The following RBFOX3 variants were observed in gnomAD, a reference collection of about 807,000 sequenced individuals.
The protein encoded by RBFOX3 is RNA binding protein fox-1 homolog 3.
Under a neutral mutation model 48.7 loss-of-function variants are expected in RBFOX3, and 17 were observed. The ratio of observed to expected loss-of-function variants is 0.35; its 90% CI spans 0.24 to 0.52. The LOEUF (loss-of-function observed/expected upper bound fraction) is 0.52, where lower values mean the gene tolerates loss of function less well. RBFOX3 is among the 20% of genes least tolerant of loss of function. RBFOX3 has a pLI of 0.94. For synonymous variants in RBFOX3, 212 were observed against 209.5 expected (o/e 1.01, Z -0.10); for missense variants, 382 against 497.5 (o/e 0.77, Z 2.21).
chr17:79,126,395 G>C (rs898920168), intron 4 of RBFOX3, among the ~76,000 whole-genome samples: 2 of 152,188 alleles, frequency 1.3e-5, no homozygotes, highest in African/African-American at 4.8e-5. Context: ...ACCCCTGCCC[G>C]GCCCACAGCC....
intron 4 of RBFOX3, among the ~76,000 whole-genome samples, chr17:79,152,663 G>A (rs2044817752): frequency 6.6e-6 from 1 of 152,236 alleles, no homozygotes. Flanking sequence ...AGGGGAAAGA[G>A]AGGGAAAGAA....
chr17:79,341,488 C>CT (rs2082078062), intron 2 of RBFOX3, among the ~76,000 whole-genome samples: 1 of 152,164 alleles, frequency 6.6e-6, no homozygotes, highest in South Asian at 2.1e-4. Flanking sequence ...GAGGCTGTTG[C>CT]TGGGGGTCCG....
At chr17:79,648,978 CTTTTTTTT>C in the RBFOX3 span, among the ~76,000 whole-genome samples, 1 of 133,222 alleles carries the variant, frequency 7.5e-6, no homozygotes, top group Non-Finnish European at 1.6e-5. Flanking sequence ...TGAAAAATGT[CTTTTTTTT>C]TTTTTTTTTT....
chr17:79,476,794 A>C (rs1196665964), intron 2 of RBFOX3, among the ~76,000 whole-genome samples: 1 of 151,950 alleles, frequency 6.6e-6, no homozygotes, highest in East Asian at 1.9e-4. Context: ...TGAAGTGCAC[A>C]CAATTCCTCA....
At chr17:79,337,651 C>T (rs553845575) in intron 2 of RBFOX3, among the ~76,000 whole-genome samples, 1 of 152,278 alleles carries the variant, frequency 6.6e-6, no homozygotes, top group East Asian at 1.9e-4. Flanking sequence ...TGGCACACAC[C>T]TGTAGTCCCA....
intron 1 of RBFOX3, among the ~76,000 whole-genome samples, chr17:79,527,172 C>A (rs1156361990): frequency 6.6e-6 from 1 of 152,274 alleles, no homozygotes; most frequent in Non-Finnish European, 1.5e-5. Flanking sequence ...AAAGGAGAAT[C>A]CTTTAGCTCG....
intron 5 of RBFOX3, among the ~76,000 whole-genome samples, chr17:79,114,567 C>G (rs1452991713): frequency 5.3e-5 from 8 of 152,198 alleles, no homozygotes; most frequent in Non-Finnish European, 1.2e-4. Flanking sequence ...ACGCTGGGAG[C>G]CAGGCTGGAC....
intron 3 of RBFOX3, among the ~76,000 whole-genome samples, chr17:79,275,495 C>A (rs186012163): frequency 1.3e-5 from 2 of 152,292 alleles, no homozygotes; most frequent in Admixed American, 1.3e-4. Flanking sequence ...GAGCTCAGGG[C>A]CACCCACATC....
At chr17:79,444,896 A>T (rs140849892) in intron 2 of RBFOX3, among the ~76,000 whole-genome samples, 7 of 152,256 alleles carry the variant, frequency 4.6e-5, no homozygotes, top group Non-Finnish European at 1.0e-4. Context: ...GAACGTTTTC[A>T]TTGCACCAAA....
intron 2 of RBFOX3, among the ~76,000 whole-genome samples, chr17:79,317,458 T>A (rs1317809695): frequency 6.6e-6 from 1 of 152,184 alleles, no homozygotes; most frequent in East Asian, 1.9e-4. Flanking sequence ...GGGCTCAGGG[T>A]GAGCACATCT....
At chr17:79,432,404 G>T (rs547917693) in intron 2 of RBFOX3, among the ~76,000 whole-genome samples, 30 of 152,336 alleles carry the variant, frequency 2.0e-4, no homozygotes, top group African/African-American at 7.0e-4. Flanking sequence ...GGCGGCAAAA[G>T]CCAGCTTGGC....
At position 79,243,827 on chromosome 17, in the gene RBFOX3, GA is replaced by G. The variant is rs1417966987; in HGVS notation, c.-73-8023del. On this transcript the variant is annotated intron_variant, in intron 3 of 14. Coordinates refer to ENST00000693108, the MANE Select transcript of RBFOX3 (RefSeq NM_001350451.2). This position sits in a 1 kb window ranked among gnomAD's most constrained non-coding sequence, Gnocchi z 7.9. ...CTTCCAAAGGGCAGAGCCAAGACAA[GA>G]AGGCGCAATGCCACCAAGCAGATGG... Among the ~76,000 whole-genome samples, 1 of 152,100 alleles carries G rather than the reference GA, an allele frequency of 6.6e-6. No homozygotes were observed. Among genetic ancestry groups the G allele is most frequent in the Non-Finnish European group, 1.5e-5 (1 of 68,032 alleles).
At chr17:79,318,232 A>G (rs954539958) in intron 2 of RBFOX3, among the ~76,000 whole-genome samples, 3 of 152,176 alleles carry the variant, frequency 2.0e-5, no homozygotes, top group Non-Finnish European at 4.4e-5. Context: ...GTGTTTGCTC[A>G]GCCAGCAGCC....
intron 3 of RBFOX3, among the ~76,000 whole-genome samples, chr17:79,271,648 C>T (rs554577271): frequency 6.6e-6 from 1 of 152,320 alleles, no homozygotes; most frequent in East Asian, 1.9e-4. Flanking sequence ...CCATCTCATT[C>T]CAACTGAAAG....
At chr17:79,164,644 A>G (rs1407039874) in intron 4 of RBFOX3, among the ~76,000 whole-genome samples, 1 of 152,224 alleles carries the variant, frequency 6.6e-6, no homozygotes, top group African/African-American at 2.4e-5. Context: ...AAGTGCACGC[A>G]TTCCTCGGTT....
At chr17:79,112,190 A>G (rs2031931251) in intron 5 of RBFOX3, among the ~76,000 whole-genome samples, 1 of 152,098 alleles carries the variant, frequency 6.6e-6, no homozygotes, top group Non-Finnish European at 1.5e-5. Flanking sequence ...GACCCACCCG[A>G]GGGTATCGAG....
At chr17:79,599,554 C>T (rs1599260661) in intron 1 of RBFOX3, 1 of 152,404 alleles carries the variant, frequency 6.6e-6, no homozygotes, top group South Asian at 2.1e-4. Flanking sequence ...CTTGACCACC[C>T]ACTGAGCACC....
chr17:79,136,976 ATT>A (rs888509713), intron 4 of RBFOX3, among the ~76,000 whole-genome samples: 64 of 152,212 alleles, frequency 4.2e-4, no homozygotes, highest in African/African-American at 1.5e-3. Context: ...TGGTCCTGGG[ATT>A]CTGCACATTC....
At chr17:79,209,003 T>G (rs1163253119) in intron 4 of RBFOX3, among the ~76,000 whole-genome samples, 1 of 151,678 alleles carries the variant, frequency 6.6e-6, no homozygotes, top group African/African-American at 2.4e-5. Context: ...TTTTTTTTAG[T>G]AGAGACAGGG....
Sources: allele counts gnomAD v4.1 joint callset (sites outside exome capture counted in the v4.1 genomes callset), GRCh38; gene constraint gnomAD v4.1.1; non-coding constraint Gnocchi (gnomAD v3.1); transcripts MANE v1.5; gene names NCBI Gene and HGNC (gene_info 2026-07-23, HGNC 2026-07-21).